Variants in ME3 observed in about 807,000 individuals in gnomAD.
ME3 encodes malic enzyme 3, also known as NADP-dependent malic enzyme, mitochondrial.
ME3 carries 48 observed loss-of-function variants against 68.9 expected under a neutral mutation model. That is an observed-to-expected ratio of 0.70 (90% CI 0.55 to 0.89). The LOEUF (loss-of-function observed/expected upper bound fraction) is 0.89. ME3 is among the 40% of genes least tolerant of loss of function. ME3 has a pLI of 0.00. For synonymous variants in ME3, 320 were observed against 318.8 expected (o/e 1.00, Z -0.04); for missense variants, 675 against 797.4 (o/e 0.85, Z 1.85).
At chr11:86,500,128 C>T (rs1266378962) in intron 5 of ME3, among the ~76,000 whole-genome samples, 1 of 152,160 alleles carries the variant, frequency 6.6e-6, no homozygotes, top group Non-Finnish European at 1.5e-5. Flanking sequence ...CTGTTAGAGA[C>T]TATGCCCTCA....
intron 8 of ME3, among the ~76,000 whole-genome samples, chr11:86,461,306 G>A (rs1040452743): frequency 3.3e-5 from 5 of 152,296 alleles, no homozygotes; most frequent in Non-Finnish European, 4.4e-5. Flanking sequence ...AGCTGTGTTT[G>A]TCCCCCAGTG....
intron 2 of ME3, among the ~76,000 whole-genome samples, chr11:86,666,186 G>A (rs1203588049): frequency 6.6e-6 from 1 of 152,166 alleles, no homozygotes; most frequent in East Asian, 1.9e-4. Context: ...GCTAAATGTA[G>A]CATATGACCA....
At chr11:86,514,811 T>A (rs1220272361) in intron 4 of ME3, among the ~76,000 whole-genome samples, 1 of 152,244 alleles carries the variant, frequency 6.6e-6, no homozygotes, top group Non-Finnish European at 1.5e-5. Flanking sequence ...TGGCCCATAG[T>A]AAATACATAA....
At chr11:86,597,568 G>C (rs1360103905) in intron 2 of ME3, among the ~76,000 whole-genome samples, 1 of 152,228 alleles carries the variant, frequency 6.6e-6, no homozygotes, top group African/African-American at 2.4e-5. Context: ...ATGCTCTCTG[G>C]AGCATGTGCA....
chr11:86,579,239 C>T (rs947438149), intron 2 of ME3, among the ~76,000 whole-genome samples: 14 of 152,062 alleles, frequency 9.2e-5, no homozygotes, highest in Non-Finnish European at 2.1e-4. Flanking sequence ...AGGCTGGTTT[C>T]GTGCCCAGCA....
At chr11:86,523,863 TCAC>T (rs1321533515) in intron 4 of ME3, among the ~76,000 whole-genome samples, 58 of 152,262 alleles carry the variant, frequency 3.8e-4, no homozygotes, top group Non-Finnish European at 7.6e-4. Flanking sequence ...AAATAGAATA[TCAC>T]TTCAGAATCT....
chr11:86,653,489 A>G (rs1461048179), intron 2 of ME3, among the ~76,000 whole-genome samples: 2 of 152,246 alleles, frequency 1.3e-5, no homozygotes, highest in Non-Finnish European at 2.9e-5. Context: ...CTGCTCCTGA[A>G]TGACTACTGG....
intron 2 of ME3, among the ~76,000 whole-genome samples, chr11:86,601,154 G>A (rs1247335225): frequency 6.6e-6 from 1 of 151,306 alleles, no homozygotes; most frequent in African/African-American, 2.4e-5. Flanking sequence ...AAAAATTAAT[G>A]AATCCAGGAG....
chr11:86,487,591 A>G (rs983452036), intron 6 of ME3, 151 bp from the exon 7 acceptor site: 5 of 643,424 alleles, frequency 7.8e-6, no homozygotes, highest in Admixed American at 7.7e-5. Flanking sequence ...CCCAGGTGTC[A>G]TTTCTGAAAG....
At chr11:86,603,084 T>C (rs1029828251) in intron 2 of ME3, among the ~76,000 whole-genome samples, 2 of 152,114 alleles carry the variant, frequency 1.3e-5, no homozygotes, top group African/African-American at 2.4e-5. Context: ...CAACAAAAGC[T>C]AAAATTGACA....
At chr11:86,581,540 T>A (rs1958443625) in intron 2 of ME3, among the ~76,000 whole-genome samples, 1 of 152,226 alleles carries the variant, frequency 6.6e-6, no homozygotes, top group African/African-American at 2.4e-5. Context: ...ATGTCAACTA[T>A]TGCATTTTAA....
rs763026313 is a variant in ME3 at position 86,560,726 on chromosome 11, ATGTG to A, written c.184-907_184-904del. Among the ~76,000 whole-genome samples the A allele has an allele frequency of 1.1e-4, 12 of 106,078 alleles. 2 individuals carry two copies. The East Asian group carries it at 2.0e-3, about 18-fold the overall frequency. The allele number at this position is 106,078 out of a possible 152,430, so 69.6% of individuals were successfully genotyped here. A position where few individuals can be genotyped will look rare whatever the true frequency, so the allele number is the denominator to read the frequency against. On this transcript the variant is annotated intron_variant, in intron 2 of 14. Coordinates refer to ENST00000543262, the Ensembl canonical transcript of ME3. ...GATATGTGTGTGTGTGTGTGTGTGT[ATGTG>A]TGTGTGTGTGTGTGTGTGTATATAT... is the stretch of plus-strand genomic sequence containing the variant.
intron 8 of ME3, among the ~76,000 whole-genome samples, chr11:86,459,216 G>A (rs1950102367): frequency 6.6e-6 from 1 of 152,174 alleles, no homozygotes; most frequent in Admixed American, 6.5e-5. Context: ...ACAGAAGAGT[G>A]ACTAATACAA....
At chr11:86,446,093 C>T (rs946038943) in intron 13 of ME3, among the ~76,000 whole-genome samples, 1 of 152,126 alleles carries the variant, frequency 6.6e-6, no homozygotes, top group Admixed American at 6.5e-5. Context: ...TTGCTAATAC[C>T]CTTCACCACT....
intron 2 of ME3, among the ~76,000 whole-genome samples, chr11:86,603,810 C>T (rs1261808062): frequency 8.6e-5 from 13 of 151,384 alleles, no homozygotes; most frequent in African/African-American, 2.2e-4. Context: ...ATGGATGAAA[C>T]TGGAAATCAT....
intron 7 of ME3, among the ~76,000 whole-genome samples, chr11:86,478,229 C>CT (rs1951192516): frequency 7.0e-6 from 1 of 143,104 alleles, no homozygotes; most frequent in African/African-American, 2.6e-5. Flanking sequence ...TAGGAATGAT[C>CT]TATAAAGGCC....
At chr11:86,495,945 A>G (rs904643386) in intron 6 of ME3, among the ~76,000 whole-genome samples, 3 of 152,122 alleles carry the variant, frequency 2.0e-5, no homozygotes, top group Non-Finnish European at 2.9e-5. Flanking sequence ...TCCCAATCCA[A>G]TAGTTTTCCC....
chr11:86,607,984 A>G (rs1029936384), intron 2 of ME3, among the ~76,000 whole-genome samples: 90 of 152,218 alleles, frequency 5.9e-4, no homozygotes, highest in African/African-American at 2.2e-3. Flanking sequence ...CCTATGAGGT[A>G]TTTCCCACAT....
At position 86,533,862 on chromosome 11, in the gene ME3, G is replaced by A. The variant is rs1366976891; in HGVS notation, c.467+22691C>T. 3.3e-5 allele frequency among the ~76,000 whole-genome samples: 5 copies of A among 151,966 alleles called. No individual in the cohort carries two copies. The East Asian group carries it at 9.6e-4, about 29-fold the overall frequency. ...GATGGTATAGCCTATTACACACCTA[G>A]GCTACATGATATAGCCTATTACACA... On this transcript the variant is annotated intron_variant, in intron 4 of 14. Transcript: ENST00000543262.
Sources: allele counts gnomAD v4.1 joint callset (sites outside exome capture counted in the v4.1 genomes callset), GRCh38; gene constraint gnomAD v4.1.1; transcripts MANE v1.5; gene names NCBI Gene and HGNC (gene_info 2026-07-23, HGNC 2026-07-21).